The following RNGTT variants were observed in gnomAD, a reference collection of about 807,000 sequenced individuals.
RNGTT encodes mRNA-capping enzyme.
RNGTT carries 33 observed loss-of-function variants against 79.3 expected under a neutral mutation model. The observed-to-expected ratio is 0.42, with a 90% CI of 0.32 to 0.56. The LOEUF (loss-of-function observed/expected upper bound fraction) is 0.56, where lower values mean the gene tolerates loss of function less well. RNGTT is among the 20% of genes least tolerant of loss of function. The probability of loss-of-function intolerance (pLI) is 0.17; values close to 1 mark genes in which losing one functional copy is unlikely to be tolerated. For missense variants in RNGTT, 497 were observed against 739.1 expected, an observed-to-expected ratio of 0.67 and a Z score of 3.80; for synonymous variants, 222 against 235.9, an observed-to-expected ratio of 0.94 and a Z score of 0.54.
rs1772010675 is a variant in RNGTT at position 88,611,210 on chromosome 6, T to C, written c.*1509A>G. On this transcript the variant is annotated 3_prime_UTR_variant, in exon 16 of 16. Transcript: ENST00000369485. ...CAGGAGAAAACTTTGTTTAAAAACA[T>C]TAAAACTCAGGTGAATATAAATACA... The C allele has an allele frequency of 6.6e-6, 1 of 152,604 alleles. No homozygotes were observed. Among genetic ancestry groups the C allele is most frequent in the Non-Finnish European group, 1.5e-5 (1 of 68,038 alleles). 9.5% of individuals were successfully genotyped at this position (152,604 alleles called of 1,614,324 possible).
intron 12 of RNGTT, among the ~76,000 whole-genome samples, chr6:88,800,030 C>G (rs1317484319): frequency 2.0e-5 from 3 of 152,176 alleles, no homozygotes; most frequent in Admixed American, 1.3e-4. Flanking sequence ...CCCTCTCCTC[C>G]TCCCTTAACC....
At chr6:88,796,886 T>C (rs1054923774) in intron 12 of RNGTT, among the ~76,000 whole-genome samples, 10 of 152,138 alleles carry the variant, frequency 6.6e-5, no homozygotes, top group African/African-American at 2.4e-4. Context: ...AAATACAAAA[T>C]TGAATATGTA....
chr6:88,894,986 C>T (rs1783185071), intron 6 of RNGTT, among the ~76,000 whole-genome samples: 1 of 151,998 alleles, frequency 6.6e-6, no homozygotes, highest in Non-Finnish European at 1.5e-5. Context: ...TGTGAACATA[C>T]TATAATTGAG....
chr6:88,946,641 T>TCCCTCC (rs1562071904), intron 1 of RNGTT, among the ~76,000 whole-genome samples: 1 of 151,438 alleles, frequency 6.6e-6, no homozygotes, highest in African/African-American at 2.4e-5. Flanking sequence ...CCTCTCCCTC[T>TCCCTCC]CCCTCTCCCT....
chr6:88,739,745 A>G (rs12205373), intron 13 of RNGTT, among the ~76,000 whole-genome samples: 90 of 39,834 alleles, frequency 2.3e-3, no homozygotes, highest in Non-Finnish European at 4.5e-3. Flanking sequence ...ATATATATAT[A>G]TATATATATA....
In RNGTT at chr6:88,775,635, T is replaced by C. The variant is rs530671617; in HGVS notation, c.1339-5761A>G. On this transcript the variant is annotated intron_variant, in intron 12 of 15. Coordinates refer to ENST00000369485, the MANE Select transcript of RNGTT (RefSeq NM_003800.5). ...GGAGGTACAGAATTAGTTTATCACCTATAATCAAAAGTTGTTATTAATGAG... is the reference window on the plus strand; with the variant it reads ...GGAGGTACAGAATTAGTTTATCACCCATAATCAAAAGTTGTTATTAATGAG... Among the ~76,000 whole-genome samples the C allele has an allele frequency of 9.8e-5, 15 of 152,362 alleles. No homozygotes were observed. In the South Asian group the frequency reaches 2.9e-3, roughly 29 times the overall value.
intron 13 of RNGTT, among the ~76,000 whole-genome samples, chr6:88,695,111 GAT>G (rs1449206587): frequency 3.3e-5 from 5 of 152,114 alleles, no homozygotes; most frequent in African/African-American, 1.2e-4. Context: ...TCTGGGCAAT[GAT>G]TTTTTGAATT....
At chr6:88,632,401 C>G (rs1772925136) in intron 14 of RNGTT, among the ~76,000 whole-genome samples, 1 of 152,130 alleles carries the variant, frequency 6.6e-6, no homozygotes, top group Non-Finnish European at 1.5e-5. Context: ...ACTATGGAGT[C>G]ATCTATAAGA....
chr6:88,829,995 T>C (rs1404122939), intron 11 of RNGTT, among the ~76,000 whole-genome samples: 1 of 152,056 alleles, frequency 6.6e-6, no homozygotes, highest in Non-Finnish European at 1.5e-5. Flanking sequence ...GACAGGAAAT[T>C]GACAAGGATA....
intron 13 of RNGTT, among the ~76,000 whole-genome samples, chr6:88,767,641 G>A (rs1202981203): frequency 8.2e-6 from 1 of 122,222 alleles, no homozygotes; most frequent in Non-Finnish European, 1.6e-5. Context: ...CTTCATCTTT[G>A]AAGTCTTATT....
intron 10 of RNGTT, among the ~76,000 whole-genome samples, chr6:88,849,299 T>C (rs2127904381): frequency 6.6e-6 from 1 of 152,154 alleles, no homozygotes; most frequent in Non-Finnish European, 1.5e-5. Context: ...GCATTAAAAA[T>C]GTCCAGAAAA....
At chr6:88,936,943 T>C (rs1236398644) in intron 2 of RNGTT, among the ~76,000 whole-genome samples, 1 of 152,238 alleles carries the variant, frequency 6.6e-6, no homozygotes, top group East Asian at 1.9e-4. Context: ...GTTATTGGTC[T>C]GCTCAGCTTT....
chr6:88,863,949 T>C (rs561392679), intron 8 of RNGTT, among the ~76,000 whole-genome samples: 3 of 151,528 alleles, frequency 2.0e-5, no homozygotes, highest in Admixed American at 6.6e-5. Flanking sequence ...TCCAATATTA[T>C]GAAGGTCCAA....
At chr6:88,691,037 C>G (rs2127795858) in intron 13 of RNGTT, among the ~76,000 whole-genome samples, 1 of 152,192 alleles carries the variant, frequency 6.6e-6, no homozygotes, top group East Asian at 1.9e-4. Flanking sequence ...AGCTACATGT[C>G]AAAGAGCAAA....
At chr6:88,693,153 G>A (rs1354357404) in intron 13 of RNGTT, among the ~76,000 whole-genome samples, 1 of 151,868 alleles carries the variant, frequency 6.6e-6, no homozygotes, top group African/African-American at 2.4e-5. Flanking sequence ...AAAAATTAGT[G>A]ACTAGAAAAT....
Position 88,914,584 on chromosome 6 carries a change from T to C in RNGTT, c.368-8144A>G, listed in dbSNP as rs796639889. Among the ~76,000 whole-genome samples, 6 of 152,176 alleles carry C rather than the reference T, an allele frequency of 3.9e-5. 1 individual carries two copies. Among genetic ancestry groups the C allele is most frequent in the African/African-American group, 1.4e-4 (6 of 41,522 alleles). ...GTGTGCTAGGAAAACTGGCTAACCATATGCAGAAGAATTAAACTGGACCCC... is the reference window on the plus strand; with the variant it reads ...GTGTGCTAGGAAAACTGGCTAACCACATGCAGAAGAATTAAACTGGACCCC... On this transcript the variant is annotated intron_variant, in intron 4 of 15. Coordinates refer to ENST00000369485, the MANE Select transcript of RNGTT (RefSeq NM_003800.5).
intron 11 of RNGTT, among the ~76,000 whole-genome samples, chr6:88,823,830 G>A (rs9444648): frequency 0.026 from 4,020 of 152,206 alleles, 180 homozygotes; most frequent in African/African-American, 0.092. Flanking sequence ...TAACAAAAGA[G>A]TTGAGATTTA....
At chr6:88,718,645 G>A (rs1344359394) in intron 13 of RNGTT, among the ~76,000 whole-genome samples, 5 of 151,928 alleles carry the variant, frequency 3.3e-5, no homozygotes, top group African/African-American at 9.7e-5. Context: ...GAGGTTTGGA[G>A]CCCCTTCTAT....
At chr6:88,868,880 C>A (rs1398248602) in intron 8 of RNGTT, among the ~76,000 whole-genome samples, 3 of 151,986 alleles carry the variant, frequency 2.0e-5, no homozygotes, top group African/African-American at 7.3e-5. Context: ...TTCTATAGAA[C>A]AATGAACATT....
Sources: gnomAD v4.1 joint callset for allele counts (sites outside exome capture counted in the v4.1 genomes callset) on GRCh38, gnomAD v4.1.1 for gene constraint, MANE v1.5 for transcripts, NCBI Gene and HGNC (gene_info 2026-07-23, HGNC 2026-07-21) for gene names.